The following STK4 variants were observed in gnomAD, a reference collection of about 807,000 sequenced individuals.
STK4 encodes the protein serine/threonine-protein kinase 4.
STK4 carries 30 observed loss-of-function variants against 64.9 expected under a neutral mutation model. The ratio of observed to expected loss-of-function variants is 0.46; its 90% CI spans 0.35 to 0.63. The LOEUF (loss-of-function observed/expected upper bound fraction) is 0.63. STK4 is among the 20% of genes least tolerant of loss of function. The pLI is 0.01. For synonymous variants in STK4, 177 were observed against 199.0 expected (o/e 0.89, Z 0.93); for missense variants, 466 against 598.5 (o/e 0.78, Z 2.31).
At chr20:45,041,116 A>G (rs576173728) in intron 10 of STK4, among the ~76,000 whole-genome samples, 9 of 152,274 alleles carry the variant, frequency 5.9e-5, no homozygotes, top group Non-Finnish European at 1.0e-4. Context: ...TAATTGGCCA[A>G]TAGGTTTTTT....
At chr20:44,990,723 G>C (rs924217795) in intron 5 of STK4, among the ~76,000 whole-genome samples, 8 of 152,124 alleles carry the variant, frequency 5.3e-5, no homozygotes, top group Admixed American at 5.2e-4. Flanking sequence ...ACTCCCCAGA[G>C]AGTACACCTC....
chr20:45,021,218 G>A (rs1481184825), intron 9 of STK4, among the ~76,000 whole-genome samples: 1 of 152,172 alleles, frequency 6.6e-6, no homozygotes, highest in Admixed American at 6.5e-5. Context: ...GTGAGAGGGA[G>A]TAAGGTAAGG....
intron 5 of STK4, among the ~76,000 whole-genome samples, chr20:44,988,523 A>ATG (rs371237761): frequency 0.033 from 3,543 of 108,212 alleles, 98 homozygotes; most frequent in Middle Eastern, 0.059. Context: ...GTGTATATAT[A>ATG]TGTGTGTGTG....
chr20:45,079,723 C>G lies in STK4; in HGVS notation c.*4547C>G, dbSNP rs1454274923. 1 of 152,546 alleles carries G rather than the reference C, an allele frequency of 6.6e-6. No homozygotes were observed. The highest frequency in any genetic ancestry group is 1.5e-5 in the Non-Finnish European group (1 of 68,022). The allele number at this position is 152,546 out of a possible 1,614,324, so 9.4% of individuals were successfully genotyped here. A position where few individuals can be genotyped will look rare whatever the true frequency, so the allele number is the denominator to read the frequency against. ...CTTTTTGTAAGAAAATCTAATAACA[C>G]TGGCTTAAGTGCTGACTTGAAATGC... is the stretch of plus-strand genomic sequence containing the variant. On this transcript the variant is annotated 3_prime_UTR_variant, in exon 11 of 11. Transcript: ENST00000372806.
intron 9 of STK4, among the ~76,000 whole-genome samples, chr20:45,021,400 G>C (rs530835123): frequency 1.4e-4 from 22 of 152,310 alleles, no homozygotes; most frequent in African/African-American, 5.3e-4. Flanking sequence ...TAGGAATACT[G>C]CTGTCTTCTT....
chr20:45,007,553 C>A (rs371516769), intron 9 of STK4, among the ~76,000 whole-genome samples: 2,611 of 149,666 alleles, frequency 0.017, 95 homozygotes, highest in African/African-American at 0.058. Flanking sequence ...TCTCAAAAAA[C>A]AAACAAACAA....
intron 10 of STK4, among the ~76,000 whole-genome samples, chr20:45,064,775 C>T (rs956051403): frequency 4.6e-5 from 7 of 152,054 alleles, no homozygotes; most frequent in Non-Finnish European, 7.4e-5. Flanking sequence ...AACAATGCTA[C>T]TTATTATATT....
At chr20:44,990,811 T>C (rs1389198357) in intron 5 of STK4, among the ~76,000 whole-genome samples, 2 of 152,194 alleles carry the variant, frequency 1.3e-5, no homozygotes, top group South Asian at 4.1e-4. Flanking sequence ...GCTTAGCTGC[T>C]TCTTAACTCT....
chr20:45,072,780 C>T (rs1980179447), intron 10 of STK4, among the ~76,000 whole-genome samples: 1 of 152,172 alleles, frequency 6.6e-6, no homozygotes, highest in South Asian at 2.1e-4. Context: ...GTTACAGAAA[C>T]AGCTTATTTA....
rs2267852 is a variant in STK4 at position 44,967,934 on chromosome 20, G to T, written c.35+1331G>T. Among the ~76,000 whole-genome samples, 699 of 152,276 alleles carry T rather than the reference G, an allele frequency of 4.6e-3. 18 individuals carry two copies. The East Asian group carries it at 0.081, about 18-fold the overall frequency. On this transcript the variant is annotated intron_variant, in intron 1 of 10. Transcript: ENST00000372806. The stretch of plus-strand genomic sequence containing the variant: ...TCCTGCTGAAGCATATGAAATTGCT[G>T]ATATTTGACCATTTTTGAACCATAA...
intron 4 of STK4, among the ~76,000 whole-genome samples, 185 bp downstream of exon 4, chr20:44,982,128 T>C (rs977065852): frequency 1.2e-3 from 143 of 122,002 alleles, no homozygotes; most frequent in African/African-American, 4.1e-3. Context: ...TTTTTTTTTT[T>C]CAAGAGACCA....
rs373474961 is a variant in STK4, at chr20:45,011,696, G to A, written c.1147+10343G>A. ...GTGTAGAACTGATTTGAAAGTTCTT[G>A]TGTAGAACATACATATATATATATA... On this transcript the variant is annotated intron_variant, in intron 9 of 10. Transcript: ENST00000372806. Among the ~76,000 whole-genome samples, 8 of 92,802 alleles carry A rather than the reference G, an allele frequency of 8.6e-5. No individual in the cohort carries two copies. In the East Asian group the frequency reaches 1.1e-3, roughly 13 times the overall value. 60.9% of individuals were successfully genotyped at this position (92,802 alleles called of 152,430 possible). A position where few individuals can be genotyped will look rare whatever the true frequency, so the allele number is the denominator to read the frequency against.
chr20:45,053,461 C>G (rs1019125249), intron 10 of STK4, among the ~76,000 whole-genome samples: 1 of 152,158 alleles, frequency 6.6e-6, no homozygotes, highest in African/African-American at 2.4e-5. Flanking sequence ...GCCATTTATT[C>G]TCTGATATTA....
intron 9 of STK4, among the ~76,000 whole-genome samples, chr20:45,014,135 G>T (rs1396290752): frequency 6.6e-6 from 1 of 151,958 alleles, no homozygotes; most frequent in Non-Finnish European, 1.5e-5. Flanking sequence ...GAGCTAAAAT[G>T]AAAACGGTCC....
intron 10 of STK4, among the ~76,000 whole-genome samples, chr20:45,047,802 T>A (rs1397863692): frequency 6.6e-6 from 1 of 152,180 alleles, no homozygotes; most frequent in Non-Finnish European, 1.5e-5. Flanking sequence ...GATGGCTTAT[T>A]TATAGTGAAG....
In STK4 at chr20:44,998,941, C is replaced by T. The variant is rs560410047; in HGVS notation, c.832-1451C>T. On this transcript the variant is annotated intron_variant, in intron 7 of 10. Coordinates refer to ENST00000372806, the MANE Select transcript of STK4 (RefSeq NM_006282.5). ...TACAAAAATGAGCTGGGCGTGGTGG[C>T]GCATGCCTGTAATCCCAGCAGGAGG... 5.4e-3 allele frequency among the ~76,000 whole-genome samples: 822 copies of T among 152,054 alleles called. 2 individuals carry two copies. The highest frequency in any genetic ancestry group is 8.8e-3 in the Non-Finnish European group (600 of 67,976).
At chr20:45,040,654 C>T (rs564867218) in intron 10 of STK4, among the ~76,000 whole-genome samples, 2 of 148,170 alleles carry the variant, frequency 1.3e-5, no homozygotes, top group African/African-American at 2.5e-5. Context: ...TTTTAAGGAA[C>T]TCAGGTTTTT....
At chr20:45,030,195 C>T (rs796400331) in intron 10 of STK4, among the ~76,000 whole-genome samples, 19 of 152,014 alleles carry the variant, frequency 1.2e-4, no homozygotes, top group African/African-American at 4.1e-4. Flanking sequence ...CAACCTCTGC[C>T]GCCCGGGTTC....
intron 2 of STK4, among the ~76,000 whole-genome samples, chr20:44,975,960 A>G (rs1317576506): frequency 6.6e-6 from 1 of 152,250 alleles, no homozygotes; most frequent in East Asian, 1.9e-4. Flanking sequence ...GAATGGGAGA[A>G]TTCACACTGA....
Sources: gnomAD v4.1 joint callset for allele counts (sites outside exome capture counted in the v4.1 genomes callset) on GRCh38, gnomAD v4.1.1 for gene constraint, MANE v1.5 for transcripts, NCBI Gene and HGNC (gene_info 2026-07-23, HGNC 2026-07-21) for gene names.